RUBCNL: variants seen among roughly 807,000 people sequenced by gnomAD.
RUBCNL encodes the protein rubicon like autophagy enhancer.
In RUBCNL, 62 loss-of-function variants were observed where a neutral mutation model predicts 69.5. That is an observed-to-expected ratio of 0.89 (90% CI 0.73 to 1.10). The LOEUF (loss-of-function observed/expected upper bound fraction) is 1.10. Among genes scored for constraint, RUBCNL ranks in the 50% least tolerant of loss-of-function variants. RUBCNL has a pLI of 0.00. For missense variants in RUBCNL, 768 were observed against 798.1 expected (o/e 0.96, Z 0.45); for synonymous variants, 291 against 303.6 (o/e 0.96, Z 0.43).
rs1159333634 is a variant in RUBCNL, at chr13:46,347,856, G to A, written c.1631+1430C>T. ...AACACACAAAAAATTAGCCGGATGT[G>A]GTTGCGGGCGCCTGTAGTCCCAGCT... On this transcript the variant is annotated intron_variant, in intron 12 of 14. Transcript: ENST00000429979. Among the ~76,000 whole-genome samples the A allele has an allele frequency of 7.2e-5, 11 of 152,280 alleles. No individual in the cohort carries two copies. The East Asian group carries it at 2.1e-3, about 30-fold the overall frequency.
chr13:46,358,151 G>C (rs921152340), intron 9 of RUBCNL, among the ~76,000 whole-genome samples: 1 of 152,148 alleles, frequency 6.6e-6, no homozygotes, highest in Admixed American at 6.5e-5. Flanking sequence ...CCTAGACAGG[G>C]AGTTCTGCCC....
intron 2 of RUBCNL, among the ~76,000 whole-genome samples, chr13:46,375,297 C>T (rs985162201): frequency 6.6e-6 from 1 of 152,168 alleles, no homozygotes; most frequent in African/African-American, 2.4e-5. Context: ...CTTTGGGAGG[C>T]CAAGGCGGGT....
At chr13:46,350,867 A>G (rs934076525) in intron 10 of RUBCNL, 1 of 152,620 alleles carries the variant, frequency 6.6e-6, no homozygotes, top group African/African-American at 2.4e-5. Flanking sequence ...CAATGAGAAA[A>G]AAATACAAAA....
rs1401513267 is a variant in RUBCNL, at chr13:46,353,583, C to T, written c.1330+2849G>A. ...AATGTCTGGCGCCATTTTCAGTGGC[C>T]ACTGGGAGCTGCTTCTGGCACCTAC... On this transcript the variant is annotated intron_variant, in intron 10 of 14. Coordinates refer to ENST00000429979, the MANE Select transcript of RUBCNL (RefSeq NM_025113.5). Among the ~76,000 whole-genome samples the T allele has an allele frequency of 2.6e-5, 4 of 152,172 alleles. No individual in the cohort carries two copies. In the East Asian group the frequency reaches 5.8e-4, roughly 22 times the overall value.
intron 3 of RUBCNL, among the ~76,000 whole-genome samples, chr13:46,369,276 G>A (rs1317038401): frequency 2.6e-5 from 4 of 152,260 alleles, no homozygotes; most frequent in Middle Eastern, 3.4e-3. Flanking sequence ...GTGCAGCGGC[G>A]TGATCACACT....
intron 9 of RUBCNL, among the ~76,000 whole-genome samples, chr13:46,357,596 T>G (rs1247291099): frequency 6.6e-6 from 1 of 151,434 alleles, no homozygotes; most frequent in Admixed American, 6.6e-5. Flanking sequence ...TCATTTCTGG[T>G]AAGAGATATT....
At position 46,356,490 on chromosome 13, in the gene RUBCNL, G is replaced by A; in HGVS notation, c.1272C>T (p.Asp424=). The A allele has an allele frequency of 6.2e-7, 1 of 1,613,782 alleles. No individual in the cohort carries two copies. Among genetic ancestry groups the A allele is most frequent in the Non-Finnish European group, 8.5e-7 (1 of 1,179,824 alleles). ...IFNIHPPLKR[D]LVVAAQNFFC... is the part of the protein sequence containing the mutation. ...AAAAATTCTGGGCTGCCACCACAAG[G>A]TCCCTCCTGAATACGAAAAATAATA... Residue 424 remains aspartate, a synonymous_variant, in exon 10 of 15, where the codon GAC becomes GAT. Coordinates refer to ENST00000429979, the MANE Select transcript of RUBCNL (RefSeq NM_025113.5).
At chr13:46,381,834 G>A (rs778266342) in intron 1 of RUBCNL, among the ~76,000 whole-genome samples, 8 of 152,152 alleles carry the variant, frequency 5.3e-5, no homozygotes, top group East Asian at 1.9e-4. Context: ...TGCCCGCCTC[G>A]GCCTCTGTTG....
chr13:46,350,195 C>T lies in RUBCNL; in HGVS notation c.1487G>A (p.Ser496Asn). 6.3e-7 allele frequency: 1 copy of T among 1,591,196 alleles called. No individual in the cohort carries two copies. The highest frequency in any genetic ancestry group is 1.1e-5 in the South Asian group (1 of 87,342). Residue 496 changes from serine (S) to asparagine (N), a missense_variant, in exon 11 of 15, where the codon AGC becomes AAC. Ser to Asn is a conservative substitution (Grantham distance 46, BLOSUM62 1). Transcript: ENST00000429979. ...ATTGAAAATGGGCTGGTGCCATATG[C>T]TGTCGAGCAGCTGTTTGGAGAAATT... ...VSNFSKQLLD[S>N]IWHQPIFNLL...
chr13:46,368,609 T>C (rs1026442476), intron 4 of RUBCNL, 124 bp downstream of exon 4: 182 of 1,303,336 alleles, frequency 1.4e-4, no homozygotes, highest in Middle Eastern at 6.2e-4. Context: ...TCTCCATCAA[T>C]CAAATGCTGA....
At chr13:46,368,666 T>C in intron 4 of RUBCNL, 67 bp downstream of exon 4, 1 of 1,437,558 alleles carries the variant, frequency 7.0e-7, no homozygotes, top group Non-Finnish European at 9.5e-7. Flanking sequence ...TTTCCAGATT[T>C]AAATCAGAAC....
At chr13:46,363,860 CAA>C (rs752140692) in intron 5 of RUBCNL, among the ~76,000 whole-genome samples, 20 of 89,468 alleles carry the variant, frequency 2.2e-4, no homozygotes, top group Non-Finnish European at 2.6e-4. Context: ...GACCCTGTCT[CAA>C]AAAAAAAAAA....
intron 1 of RUBCNL, among the ~76,000 whole-genome samples, chr13:46,383,961 A>C (rs916769084): frequency 2.6e-5 from 4 of 152,172 alleles, no homozygotes; most frequent in African/African-American, 9.7e-5. Context: ...AAGATCTTTA[A>C]ATCTTGTGGA....
chr13:46,372,707 C>G (rs2048905674), intron 2 of RUBCNL, 110 bp from the exon 3 acceptor site: 2 of 959,606 alleles, frequency 2.1e-6, no homozygotes, highest in East Asian at 5.8e-5. Flanking sequence ...GTACTTGGCT[C>G]TATCCAACAT....
At chr13:46,386,084 G>C (rs895560914) in intron 1 of RUBCNL, among the ~76,000 whole-genome samples, 4 of 152,262 alleles carry the variant, frequency 2.6e-5, no homozygotes, top group African/African-American at 9.6e-5. Flanking sequence ...TCTGTCGGCG[G>C]CCGGCAGTGT....
At chr13:46,373,758 T>A (rs533402525) in intron 2 of RUBCNL, among the ~76,000 whole-genome samples, 4 of 152,374 alleles carry the variant, frequency 2.6e-5, no homozygotes, top group Non-Finnish European at 4.4e-5. Context: ...TGGAGTCAAT[T>A]ACAGGGCTGT....
intron 7 of RUBCNL, among the ~76,000 whole-genome samples, 189 bp from the exon 8 acceptor site, chr13:46,361,762 T>A (rs1467475780): frequency 6.6e-6 from 1 of 152,024 alleles, no homozygotes; most frequent in African/African-American, 2.4e-5. Context: ...AAATAAAGCA[T>A]CTTTTATTTA....
chr13:46,362,751 AACAGATAATGAGAGG>A (rs1434748408), intron 6 of RUBCNL, among the ~76,000 whole-genome samples, 153 bp from the exon 7 acceptor site: 1 of 151,768 alleles, frequency 6.6e-6, no homozygotes, highest in Non-Finnish European at 1.5e-5. Context: ...AAATGGACAG[AACAGATAATGAGAGG>A]ACAGATAATG....
chr13:46,348,515 C>T (rs551377418), intron 12 of RUBCNL, among the ~76,000 whole-genome samples: 129 of 152,146 alleles, frequency 8.5e-4, no homozygotes, highest in African/African-American at 3.0e-3. Flanking sequence ...TCCCACATGT[C>T]ATGGAAGGAG....
Sources: gnomAD v4.1 joint callset for allele counts (sites outside exome capture counted in the v4.1 genomes callset) on GRCh38, gnomAD v4.1.1 for gene constraint, MANE v1.5 for transcripts, NCBI Gene and HGNC (gene_info 2026-07-23, HGNC 2026-07-21) for gene names.